YLPM1: variants seen among roughly 807,000 people sequenced by gnomAD.
YLPM1 encodes YLP motif-containing protein 1.
In YLPM1, 99 loss-of-function variants were observed where a neutral mutation model predicts 230.0. That is an observed-to-expected ratio of 0.43 (90% CI 0.37 to 0.51). The LOEUF (loss-of-function observed/expected upper bound fraction) is 0.51, where lower values mean the gene tolerates loss of function less well. Among genes scored for constraint, YLPM1 ranks in the 20% least tolerant of loss-of-function variants. YLPM1 has a pLI of 0.00. For synonymous variants in YLPM1, 984 were observed against 942.5 expected (o/e 1.04, Z -0.81); for missense variants, 2,592 against 2,707.7 (o/e 0.96, Z 0.95).
At position 74,764,198 on chromosome 14, in the gene YLPM1, C is replaced by G; in HGVS notation, c.709C>G (p.Gln237Glu). ...TCAGGCATCTCCTTCCCGCCCCTCC[C>G]AGGGCCATTCTAAATCCCAACTACT... ...SSQASPSRPS[Q>E]GHSKSQLLAP... is the part of the protein sequence containing the mutation. The change falls in exon 1 of 21, where the codon CAG becomes GAG. Residue 237 changes from glutamine (Q) to glutamate (E), a missense_variant. Around this residue, in one of 4 missense-constraint regions of YLPM1, gnomAD observed 1,862 missense variants for 1,819.8 expected, o/e 1.02. Transcript: ENST00000325680. The G allele has an allele frequency of 6.2e-7, 1 of 1,613,648 alleles. No individual in the cohort carries two copies. Among genetic ancestry groups the G allele is most frequent in the Non-Finnish European group, 8.5e-7 (1 of 1,179,826 alleles).
chr14:74,788,962 G>A (rs1594819343), intron 4 of YLPM1, among the ~76,000 whole-genome samples: 1 of 152,118 alleles, frequency 6.6e-6, no homozygotes. Context: ...ATAGCGTGAG[G>A]TAGGGGTCAA....
chr14:74,832,574 A>G (rs1432852577), intron 19 of YLPM1, among the ~76,000 whole-genome samples: 2 of 152,082 alleles, frequency 1.3e-5, no homozygotes, highest in African/African-American at 2.4e-5. Context: ...GGTTCAAGCC[A>G]TTCTCATGCC....
intron 1 of YLPM1, among the ~76,000 whole-genome samples, chr14:74,776,926 C>A (rs2091046424): frequency 6.6e-6 from 1 of 152,004 alleles, no homozygotes; most frequent in Admixed American, 6.6e-5. Flanking sequence ...GATGGTGGCA[C>A]ATACCTGTGG....
chr14:74,818,005 A>G (rs1823368036), intron 15 of YLPM1, among the ~76,000 whole-genome samples: 1 of 151,802 alleles, frequency 6.6e-6, no homozygotes, highest in Admixed American at 6.6e-5. Flanking sequence ...GCAGTGAGCC[A>G]TGTTGGCGCC....
Position 74,781,910 on chromosome 14 carries a change from C to A in YLPM1, c.1867C>A (p.Pro623Thr), listed in dbSNP as rs765561092. 7 of 1,613,772 alleles carry A rather than the reference C, an allele frequency of 4.3e-6. No individual in the cohort carries two copies. The highest frequency in any genetic ancestry group is 1.7e-5 in the Admixed American group (1 of 59,986). Residue 623 changes from proline to threonine, a missense_variant, in exon 4 of 21, where the codon CCA (proline) becomes ACA (threonine). By Grantham distance (38) the Pro-to-Thr change is conservative (BLOSUM62 -1). Around this residue, in one of 4 missense-constraint regions of YLPM1, gnomAD observed 1,862 missense variants for 1,819.8 expected, o/e 1.02. Coordinates refer to ENST00000325680, the MANE Select transcript of YLPM1 (RefSeq NM_019589.3). ...ACCTCCACCTGTCATGCCCCTCCCA[C>A]CATTGTCTTCAGCTACACCTCCTCC... The part of the protein sequence containing the change: ...TAPPPVMPLP[P>T]LSSATPPPGI...
At chr14:74,770,718 T>A (rs1594807448) in intron 1 of YLPM1, among the ~76,000 whole-genome samples, 1 of 152,046 alleles carries the variant, frequency 6.6e-6, no homozygotes, top group Non-Finnish European at 1.5e-5. Flanking sequence ...AGGGTGAGGA[T>A]GGTAGGTATG....
chr14:74,796,053 C>T (rs886841261), intron 4 of YLPM1, among the ~76,000 whole-genome samples: 2 of 152,138 alleles, frequency 1.3e-5, no homozygotes, highest in African/African-American at 4.8e-5. Context: ...ACTTGGCTGC[C>T]AGTTCTAGCT....
chr14:74,775,938 T>C (rs1033439190), intron 1 of YLPM1, among the ~76,000 whole-genome samples: 1 of 152,232 alleles, frequency 6.6e-6, no homozygotes, highest in Non-Finnish European at 1.5e-5. Context: ...AGTTCCAATG[T>C]TCTCCAACAT....
Position 74,835,772 on chromosome 14 carries a change from CAGGTGGTTCGCTTTG to C in YLPM1, c.*42_*56del, listed in dbSNP as rs1450107896. ...GTGTGACAGCCTTTTCTTTTCTTTC[CAGGTGGTTCGCTTTG>C]AGGTGGTCTGAAGCCAAGGCCTCGC... On this transcript the variant is annotated splice_acceptor_variant and 3_prime_UTR_variant, in exon 21 of 21. Transcript: ENST00000325680. LOFTEE classifies it low-confidence loss of function (3UTR_SPLICE). The C allele has an allele frequency of 2.3e-6, 1 of 438,658 alleles. No homozygotes were observed. Among genetic ancestry groups the C allele is most frequent in the Non-Finnish European group, 4.5e-6 (1 of 223,492 alleles). The allele number at this position is 438,658 out of a possible 1,614,324, so 27.2% of individuals were successfully genotyped here. A position where few individuals can be genotyped will look rare whatever the true frequency, so the allele number is the denominator to read the frequency against.
intron 1 of YLPM1, among the ~76,000 whole-genome samples, chr14:74,767,162 G>C (rs1024001719): frequency 1.3e-5 from 2 of 152,044 alleles, no homozygotes; most frequent in Non-Finnish European, 2.9e-5. Context: ...GATTACAGGC[G>C]TGAGCCACCG....
intron 3 of YLPM1, 102 bp from the exon 4 acceptor site, chr14:74,781,232 A>C: frequency 7.6e-7 from 1 of 1,308,762 alleles, no homozygotes; most frequent in South Asian, 1.6e-5. Context: ...TAGTGTTCTA[A>C]TTTCCTAAAG....
intron 4 of YLPM1, among the ~76,000 whole-genome samples, chr14:74,790,271 T>C (rs2091193008): frequency 6.6e-6 from 1 of 152,220 alleles, no homozygotes; most frequent in Non-Finnish European, 1.5e-5. Flanking sequence ...TATTTCCATT[T>C]GTTATGGTTG....
At chr14:74,816,042 A>G (rs1475023044) in intron 11 of YLPM1, among the ~76,000 whole-genome samples, 161 bp from the exon 12 acceptor site, 1 of 152,080 alleles carries the variant, frequency 6.6e-6, no homozygotes, top group Admixed American at 6.5e-5. Flanking sequence ...GTCCAGTGAC[A>G]TACTTTATAT....
chr14:74,772,508 G>A (rs948567324), intron 1 of YLPM1, among the ~76,000 whole-genome samples: 1 of 151,946 alleles, frequency 6.6e-6, no homozygotes, highest in Non-Finnish European at 1.5e-5. Flanking sequence ...ACAGGCATGT[G>A]CCACCACACC....
chr14:74,821,076 A>G lies in YLPM1; in HGVS notation c.6050A>G (p.Asp2017Gly). Residue 2017 changes from aspartate to glycine, a missense_variant, in exon 17 of 21, where the codon GAT becomes GGT. By Grantham distance (94) the Asp-to-Gly change is moderately conservative (BLOSUM62 -1). Coordinates refer to ENST00000325680, the MANE Select transcript of YLPM1 (RefSeq NM_019589.3). The part of the protein sequence containing the change: ...AIEEVEMEDF[D>G]ANIEEQKEEK... ...GTATAGGTAGAGATGGAAGATTTTG[A>G]TGCAAATATCGAAGAACAGAAAGAA... 1.3e-6 allele frequency: 2 copies of G among 1,527,370 alleles called. No homozygotes were observed. Among genetic ancestry groups the G allele is most frequent in the Non-Finnish European group, 1.8e-6 (2 of 1,136,986 alleles). The allele number at this position is 1,527,370 out of a possible 1,614,324, so 94.6% of individuals were successfully genotyped here.
Position 74,782,018 on chromosome 14 carries a change from A to G in YLPM1, c.1975A>G (p.Ser659Gly). 6.2e-7 allele frequency: 1 copy of G among 1,613,868 alleles called. No homozygotes were observed. Among genetic ancestry groups the G allele is most frequent in the East Asian group, 2.2e-5 (1 of 44,884 alleles). The change falls in exon 4 of 21, where the codon AGC becomes GGC. Residue 659 changes from serine (S) to glycine (G), a missense_variant. This residue lies in a region of YLPM1 where 1,862 missense variants were observed against 1,819.8 expected (regional missense o/e 1.02). Coordinates refer to ENST00000325680, the MANE Select transcript of YLPM1 (RefSeq NM_019589.3). ...AGTTCCACCAGCCTCCAGTTCACAG[A>G]GCTCGCAAGTTCCAGAGAAACCTAG... is the stretch of plus-strand genomic sequence containing the variant. ...APVPPASSSQSSQVPEKPRPA... is the reference protein window; with the variant it reads ...APVPPASSSQGSQVPEKPRPA...
At chr14:74,830,227 T>C (rs182162911) in intron 19 of YLPM1, among the ~76,000 whole-genome samples, 34 of 152,240 alleles carry the variant, frequency 2.2e-4, no homozygotes, top group Non-Finnish European at 2.8e-4. Context: ...TTGGAGCAGA[T>C]TAAAGAATGA....
At position 74,764,102 on chromosome 14, in the gene YLPM1, C is replaced by G. The variant is rs547801601; in HGVS notation, c.613C>G (p.Pro205Ala). ...TTCCCAATCCTACCTGGCGCCCACC[C>G]CTTCTTACTCATCCTCCTCCTCTTC... is the stretch of plus-strand genomic sequence containing the variant. ...PPSQSYLAPT[P>A]SYSSSSSSSQ... The change falls in exon 1 of 21, where the codon CCT becomes GCT. Residue 205 changes from proline to alanine, a missense_variant. Coordinates refer to ENST00000325680, the MANE Select transcript of YLPM1 (RefSeq NM_019589.3). 52 of 1,613,430 alleles carry G rather than the reference C, an allele frequency of 3.2e-5. No individual in the cohort carries two copies. In the East Asian group the frequency reaches 1.0e-3, roughly 33 times the overall value.
In YLPM1 at chr14:74,763,457, C is replaced by T. The variant is rs1314582427; in HGVS notation, c.-33C>T. 2 of 1,396,010 alleles carry T rather than the reference C, an allele frequency of 1.4e-6. No individual in the cohort carries two copies. The highest frequency in any genetic ancestry group is 1.9e-6 in the Non-Finnish European group (2 of 1,068,334). 86.5% of individuals were successfully genotyped at this position (1,396,010 alleles called of 1,614,324 possible). On this transcript the variant is annotated 5_prime_UTR_variant, in exon 1 of 21. Transcript: ENST00000325680. The stretch of plus-strand genomic sequence containing the variant: ...GGAGGTCGGTTGCGACGAGTAACGG[C>T]GCCAGGACGAGCCCTGCGCCTTCTT...
Sources: gnomAD v4.1 joint callset for allele counts (sites outside exome capture counted in the v4.1 genomes callset) on GRCh38, gnomAD v4.1.1 for gene constraint, gnomAD v4.1.1 regional missense constraint, MANE v1.5 for transcripts, NCBI Gene and HGNC (gene_info 2026-07-23, HGNC 2026-07-21) for gene names.